The following TTC28 variants were observed in gnomAD, a reference collection of about 807,000 sequenced individuals.
TTC28 encodes tetratricopeptide repeat domain 28.
In TTC28, 61 loss-of-function variants were observed where a neutral mutation model predicts 198.0. The observed-to-expected ratio is 0.31, with a 90% CI of 0.25 to 0.38. The LOEUF (loss-of-function observed/expected upper bound fraction) is 0.38, where lower values mean the gene tolerates loss of function less well. TTC28 is among the 10% of genes least tolerant of loss of function. The pLI is 1.00. For synonymous variants in TTC28, 1,171 were observed against 1,297.8 expected, an observed-to-expected ratio of 0.90 and a Z score of 2.10; for missense variants, 2,678 against 3,164.0, an observed-to-expected ratio of 0.85 and a Z score of 3.69.
intron 1 of TTC28, among the ~76,000 whole-genome samples, chr22:28,630,733 T>C (rs2051159808): frequency 6.6e-6 from 1 of 152,168 alleles, no homozygotes; most frequent in Non-Finnish European, 1.5e-5. Flanking sequence ...TGGAAGACAA[T>C]AATCTTCTCT....
At chr22:28,387,795 G>C (rs1268244776) in intron 2 of TTC28, among the ~76,000 whole-genome samples, 1 of 151,964 alleles carries the variant, frequency 6.6e-6, no homozygotes, top group Non-Finnish European at 1.5e-5. Flanking sequence ...TTTGTAGGTT[G>C]CCTGTTCACT....
Position 27,998,606 on chromosome 22 carries a change from C to T in TTC28, c.5053G>A (p.Ala1685Thr), listed in dbSNP as rs1361678666. ...ACCACCTTCATGGCCTCCCCCAGGG[C>T]GGCGCTGGCTTTCAGGCCGTTCAGC... is the stretch of plus-strand genomic sequence containing the variant. ...SLLNGLKASA[A>T]LGEAMKVVQS... The change falls in exon 16 of 23, where the codon GCC (alanine) becomes ACC (threonine). Residue 1685 changes from alanine to threonine, a missense_variant. Coordinates refer to ENST00000397906, the MANE Select transcript of TTC28 (RefSeq NM_001145418.2). 6 of 1,550,796 alleles carry T rather than the reference C, an allele frequency of 3.9e-6. No homozygotes were observed. The highest frequency in any genetic ancestry group is 4.4e-6 in the Non-Finnish European group (5 of 1,146,998).
intron 2 of TTC28, among the ~76,000 whole-genome samples, chr22:28,468,504 G>A (rs562161711): frequency 6.6e-6 from 1 of 151,454 alleles, no homozygotes; most frequent in South Asian, 2.1e-4. Context: ...ATACTTAAAA[G>A]AGTTCATCTC....
At chr22:28,034,656 G>A (rs1489824286) in intron 12 of TTC28, among the ~76,000 whole-genome samples, 4 of 152,202 alleles carry the variant, frequency 2.6e-5, no homozygotes, top group Admixed American at 6.5e-5. Flanking sequence ...CTGAGGTCTG[G>A]ATTATTACGG....
chr22:28,148,657 C>A (rs572998580), intron 6 of TTC28, among the ~76,000 whole-genome samples: 2 of 150,656 alleles, frequency 1.3e-5, no homozygotes, highest in Non-Finnish European at 3.0e-5. Flanking sequence ...ATATACAATT[C>A]TCTTTCCATG....
rs561027655 is a variant in TTC28, at chr22:28,661,444, G to A, written c.102+18178C>T. Among the ~76,000 whole-genome samples, 7 of 152,154 alleles carry A rather than the reference G, an allele frequency of 4.6e-5. No individual in the cohort carries two copies. The South Asian group carries it at 1.5e-3, about 32-fold the overall frequency. ...ATTTATTCATTTATTTTTAGAGACT[G>A]GGTTTCATTCTGTGGCCCAGGCTAC... is the stretch of plus-strand genomic sequence containing the variant. On this transcript the variant is annotated intron_variant, in intron 1 of 22. Transcript: ENST00000397906.
At chr22:28,653,864 G>C (rs933447468) in intron 1 of TTC28, among the ~76,000 whole-genome samples, 1 of 152,152 alleles carries the variant, frequency 6.6e-6, no homozygotes, top group Non-Finnish European at 1.5e-5. Context: ...TAAGAGAGTA[G>C]AAGAAATTAT....
chr22:28,328,293 A>C (rs938545835), intron 2 of TTC28, among the ~76,000 whole-genome samples: 38 of 152,032 alleles, frequency 2.5e-4, no homozygotes, highest in Middle Eastern at 3.4e-3. Flanking sequence ...ATTTAAAAAA[A>C]TAGCCGGTCA....
chr22:28,049,837 T>C (rs1000784846), intron 12 of TTC28, among the ~76,000 whole-genome samples: 1 of 151,990 alleles, frequency 6.6e-6, no homozygotes, highest in African/African-American at 2.4e-5. Context: ...GTGAAGAGTG[T>C]GTGTAGGAGC....
rs1311534334 is a variant in TTC28, at chr22:28,107,814, G to A, written c.2031C>T (p.Tyr677=). ...CCTTGAATGCTAGGCCCAAGTTGCA[G>A]TAGGCTTTTGCTTGGCTCAACTTGT... ...LHDKLSQAKA[Y]CNLGLAFKAL... is the part of the protein sequence containing the mutation. The change falls in exon 7 of 23, where the codon TAC becomes TAT. Residue 677 remains tyrosine (Y), a synonymous_variant. Coordinates refer to ENST00000397906, the MANE Select transcript of TTC28 (RefSeq NM_001145418.2). 1.3e-6 allele frequency: 2 copies of A among 1,551,904 alleles called. No homozygotes were observed. Among genetic ancestry groups the A allele is most frequent in the Non-Finnish European group, 8.7e-7 (1 of 1,147,074 alleles).
intron 2 of TTC28, among the ~76,000 whole-genome samples, chr22:28,468,527 T>A (rs1442595320): frequency 6.6e-6 from 1 of 151,816 alleles, no homozygotes; most frequent in Non-Finnish European, 1.5e-5. Context: ...ATAATGCTTT[T>A]TTTTTTTGAG....
chr22:28,065,558 T>G, intron 12 of TTC28, among the ~76,000 whole-genome samples: 1 of 152,214 alleles, frequency 6.6e-6, no homozygotes, highest in East Asian at 1.9e-4. Context: ...AAACATGTTT[T>G]CTATGGTTAA....
chr22:28,647,855 A>T (rs1249253965), intron 1 of TTC28, among the ~76,000 whole-genome samples: 1 of 151,580 alleles, frequency 6.6e-6, no homozygotes, highest in Non-Finnish European at 1.5e-5. Context: ...AAAATAAAAT[A>T]AAATAAAAAT....
chr22:28,532,839 C>A (rs1014189183), intron 2 of TTC28, among the ~76,000 whole-genome samples: 1 of 152,140 alleles, frequency 6.6e-6, no homozygotes, highest in African/African-American at 2.4e-5. Flanking sequence ...CAGTAAAGGT[C>A]TTTGACAAAA....
At chr22:28,530,251 T>A (rs189929166) in intron 2 of TTC28, among the ~76,000 whole-genome samples, 1 of 152,292 alleles carries the variant, frequency 6.6e-6, no homozygotes, top group Non-Finnish European at 1.5e-5. Flanking sequence ...GCATGAGAAC[T>A]ACGTGACACA....
intron 12 of TTC28, among the ~76,000 whole-genome samples, chr22:28,076,467 A>G (rs1469826028): frequency 6.6e-6 from 1 of 152,178 alleles, no homozygotes; most frequent in Non-Finnish European, 1.5e-5. Context: ...CTTTTTGGGA[A>G]GCTGAGGTAG....
At chr22:28,344,056 C>G (rs1278671146) in intron 2 of TTC28, among the ~76,000 whole-genome samples, 1 of 151,848 alleles carries the variant, frequency 6.6e-6, no homozygotes, top group Non-Finnish European at 1.5e-5. Context: ...CTCATTCTTA[C>G]AGTTATTTGA....
chr22:28,509,839 G>A (rs2048664302), intron 2 of TTC28, among the ~76,000 whole-genome samples: 2 of 151,908 alleles, frequency 1.3e-5, no homozygotes, highest in South Asian at 4.2e-4. Context: ...AATGATAAGG[G>A]GGATATCACC....
At chr22:28,346,473 A>G (rs1307990215) in intron 2 of TTC28, among the ~76,000 whole-genome samples, 1 of 152,088 alleles carries the variant, frequency 6.6e-6, no homozygotes, top group East Asian at 1.9e-4. Flanking sequence ...CCAGCTCCAA[A>G]CTCTCACTAG....
Sources: allele counts gnomAD v4.1 joint callset (sites outside exome capture counted in the v4.1 genomes callset), GRCh38; gene constraint gnomAD v4.1.1; transcripts MANE v1.5; gene names NCBI Gene and HGNC (gene_info 2026-07-23, HGNC 2026-07-21).